The following EGFR variants were observed in gnomAD, a reference collection of about 807,000 sequenced individuals.
The protein encoded by EGFR is epidermal growth factor receptor.
In EGFR, 58 loss-of-function variants were observed where a neutral mutation model predicts 143.0. That is an observed-to-expected ratio of 0.41 (90% CI 0.33 to 0.50). The LOEUF is 0.50. Ranked by LOEUF, EGFR falls within the 20% of genes least tolerant of loss-of-function variation. The pLI is 0.39. For synonymous variants in EGFR, 613 were observed against 594.4 expected (o/e 1.03, Z -0.45); for missense variants, 1,307 against 1,579.0 (o/e 0.83, Z 2.92).
Position 55,205,706 on chromosome 7 carries a change from C to T in EGFR, c.*89C>T, listed in dbSNP as rs2128975846. On this transcript the variant is annotated 3_prime_UTR_variant, in exon 28 of 28. Coordinates refer to ENST00000275493, the MANE Select transcript of EGFR (RefSeq NM_005228.5). ...CAGGTCCTCCATCCCAACAGCCATG[C>T]CCGCATTAGCTCTTAGACCCACAGA... The T allele has an allele frequency of 6.2e-7, 1 of 1,601,636 alleles. No homozygotes were observed. The highest frequency in any genetic ancestry group is 8.5e-7 in the Non-Finnish European group (1 of 1,171,454).
chr7:55,143,609 G>A (rs866327107), intron 3 of EGFR, 121 bp downstream of exon 3: 55 of 1,062,744 alleles, frequency 5.2e-5, no homozygotes, highest in Middle Eastern at 5.4e-4. Context: ...CCCAGTACAC[G>A]TGCACTGAGT....
chr7:55,192,897 TGTTA>T lies in EGFR; in HGVS notation c.2701+61_2701+64del. The T allele has an allele frequency of 2.7e-6, 4 of 1,471,762 alleles. No homozygotes were observed. In the South Asian group the frequency reaches 4.6e-5, roughly 17 times the overall value. The allele number at this position is 1,471,762 out of a possible 1,614,324, so 91.2% of individuals were successfully genotyped here. On this transcript the variant is annotated intron_variant, in intron 22 of 27. Transcript: ENST00000275493. ...GTACTGAGGCCAAGCTGGCTTTTATTGTTAGTTAATTTACATTATATCCTCTGAC... is the reference window on the plus strand; with the variant it reads ...GTACTGAGGCCAAGCTGGCTTTTATTGTTAATTTACATTATATCCTCTGAC...
chr7:55,168,648 TATAA>T (rs1455952853), intron 15 of EGFR: 4 of 1,465,850 alleles, frequency 2.7e-6, no homozygotes, highest in Admixed American at 4.0e-5. Flanking sequence ...TATGGAATTT[TATAA>T]ATATTTTCTT....
chr7:55,056,077 T>C (rs1217285634), intron 1 of EGFR, among the ~76,000 whole-genome samples: 1 of 152,078 alleles, frequency 6.6e-6, no homozygotes, highest in East Asian at 1.9e-4. Flanking sequence ...GTACAAAAGG[T>C]GAACATCCTT....
Position 55,081,325 on chromosome 7 carries a change from G to A in EGFR, c.89-60961G>A, listed in dbSNP as rs115120653. 6.0e-3 allele frequency among the ~76,000 whole-genome samples: 919 copies of A among 152,278 alleles called. 8 individuals carry two copies. The highest frequency in any genetic ancestry group is 0.021 in the African/African-American group (856 of 41,562). On this transcript the variant is annotated intron_variant, in intron 1 of 27. Coordinates refer to ENST00000275493, the MANE Select transcript of EGFR (RefSeq NM_005228.5). ...AACGGAGATACTCTATTCTGTGGAC[G>A]GTTGGAGGGGGCTGTGCTGAGCAGG...
In EGFR at chr7:55,205,638, C is replaced by T. The variant is rs372860080; in HGVS notation, c.*21C>T. 15 of 1,613,910 alleles carry T rather than the reference C, an allele frequency of 9.3e-6. No individual in the cohort carries two copies. Among genetic ancestry groups the T allele is most frequent in the African/African-American group, 2.7e-5 (2 of 74,880 alleles). On this transcript the variant is annotated 3_prime_UTR_variant, in exon 28 of 28. Transcript: ENST00000275493. Reference sequence around the variant, plus strand: ...CATGACCACGGAGGATAGTATGAGCCCTAAAAATCCAGACTCTTTCGATAC... The same window carrying T: ...CATGACCACGGAGGATAGTATGAGCTCTAAAAATCCAGACTCTTTCGATAC...
intron 15 of EGFR, chr7:55,170,719 C>T (rs1001878492): frequency 3.8e-5 from 57 of 1,509,500 alleles, no homozygotes; most frequent in East Asian, 4.8e-5. Context: ...TCTTCCTCCT[C>T]GCTGCCAGAT....
chr7:55,148,934 G>A (rs1794899995), intron 4 of EGFR, among the ~76,000 whole-genome samples: 1 of 152,110 alleles, frequency 6.6e-6, no homozygotes, highest in Non-Finnish European at 1.5e-5. Flanking sequence ...ATTTCACAGT[G>A]TGCCTAGCTT....
At position 55,181,432 on chromosome 7, in the gene EGFR, A is replaced by G. The variant is rs1786870894; in HGVS notation, c.2423A>G (p.Asn808Ser). 3 of 1,614,184 alleles carry G rather than the reference A, an allele frequency of 1.9e-6. No individual in the cohort carries two copies. The highest frequency in any genetic ancestry group is 2.5e-6 in the Non-Finnish European group (3 of 1,180,026). The stretch of plus-strand genomic sequence containing the variant: ...GACTATGTCCGGGAACACAAAGACA[A>G]TATTGGCTCCCAGTACCTGCTCAAC... ...LLDYVREHKD[N>S]IGSQYLLNWC... Residue 808 changes from asparagine to serine, a missense_variant, in exon 20 of 28, where the codon AAT (asparagine) becomes AGT (serine). Physicochemically the swap from Asn to Ser is conservative, Grantham distance 46 (BLOSUM62 1). This residue lies in a region of EGFR where 348 missense variants were observed against 451.5 expected (regional missense o/e 0.77). Transcript: ENST00000275493.
intron 7 of EGFR, 98 bp downstream of exon 7, chr7:55,154,250 G>A (rs1785300192): frequency 6.3e-7 from 1 of 1,580,610 alleles, no homozygotes; most frequent in South Asian, 1.1e-5. Flanking sequence ...AGAGTCTTTG[G>A]GTGGATGTGT....
At chr7:55,083,751 C>T (rs1321507139) in intron 1 of EGFR, among the ~76,000 whole-genome samples, 1 of 152,174 alleles carries the variant, frequency 6.6e-6, no homozygotes, top group Non-Finnish European at 1.5e-5. Context: ...TAATATAATG[C>T]AGACATGCAT....
At chr7:55,145,904 T>C (rs1034781294) in intron 3 of EGFR, among the ~76,000 whole-genome samples, 1 of 152,186 alleles carries the variant, frequency 6.6e-6, no homozygotes, top group Non-Finnish European at 1.5e-5. Flanking sequence ...CCACAGCACT[T>C]GCACAGGGTT....
At position 55,161,499 on chromosome 7, in the gene EGFR, A is replaced by C; in HGVS notation, c.1499A>C (p.Lys500Thr). 6.2e-7 allele frequency: 1 copy of C among 1,613,758 alleles called. No homozygotes were observed. Among genetic ancestry groups the C allele is most frequent in the Non-Finnish European group, 8.5e-7 (1 of 1,179,934 alleles). ...IISNRGENSCKATGQVCHALC... is the reference protein window; with the variant it reads ...IISNRGENSCTATGQVCHALC... ...GCTGTGACCCACTCTGTCTCCGCAG[A>C]GGCCACAGGCCAGGTCTGCCATGCC... The change falls in exon 13 of 28, where the codon AAG (lysine) becomes ACG (threonine). Residue 500 changes from lysine to threonine, a missense_variant and splice_region_variant. By Grantham distance (78) the Lys-to-Thr change is moderately conservative. Transcript: ENST00000275493.
At chr7:55,169,073 G>T (rs918198605) in intron 15 of EGFR, among the ~76,000 whole-genome samples, 2 of 151,958 alleles carry the variant, frequency 1.3e-5, no homozygotes, top group African/African-American at 2.4e-5. Context: ...ACCCAGACGA[G>T]GGGGAGGAAC....
At chr7:55,043,386 T>C (rs1462789018) in intron 1 of EGFR, among the ~76,000 whole-genome samples, 1 of 152,006 alleles carries the variant, frequency 6.6e-6, no homozygotes, top group Non-Finnish European at 1.5e-5. Flanking sequence ...TGAGACAGAG[T>C]CTCACTTTGT....
intron 22 of EGFR, among the ~76,000 whole-genome samples, 182 bp downstream of exon 22, chr7:55,193,023 A>G (rs1251083201): frequency 6.6e-6 from 1 of 151,700 alleles, no homozygotes; most frequent in Non-Finnish European, 1.5e-5. Flanking sequence ...AATCGAGTCC[A>G]GCTGCCGTCC....
intron 4 of EGFR, among the ~76,000 whole-genome samples, chr7:55,150,573 CTT>C (rs763122967): frequency 2.0e-5 from 3 of 152,140 alleles, no homozygotes; most frequent in Non-Finnish European, 4.4e-5. Flanking sequence ...TGACTGGACT[CTT>C]TAACAAATTT....
intron 17 of EGFR, 75 bp downstream of exon 17, chr7:55,173,199 C>T (rs1203656556): frequency 1.3e-5 from 20 of 1,583,028 alleles, no homozygotes; most frequent in Admixed American, 1.7e-5. Flanking sequence ...GAGAACGGGC[C>T]ATTAGCAGTT....
At chr7:55,044,992 G>A (rs1456518244) in intron 1 of EGFR, among the ~76,000 whole-genome samples, 4 of 152,046 alleles carry the variant, frequency 2.6e-5, no homozygotes, top group Non-Finnish European at 5.9e-5. Flanking sequence ...CAGACATTCC[G>A]GCCATCTAGA....
Sources: allele counts gnomAD v4.1 joint callset (sites outside exome capture counted in the v4.1 genomes callset), GRCh38; gene constraint gnomAD v4.1.1; regional missense constraint gnomAD v4.1.1; transcripts MANE v1.5; gene names NCBI Gene and HGNC (gene_info 2026-07-23, HGNC 2026-07-21).